Variants in APBB2 observed in about 807,000 individuals in gnomAD.
APBB2 encodes amyloid beta precursor protein binding family B member 2.
APBB2 carries 38 observed loss-of-function variants against 82.5 expected under a neutral mutation model. The ratio of observed to expected loss-of-function variants is 0.46; its 90% CI spans 0.36 to 0.60. APBB2 has a LOEUF of 0.60. Ranked by LOEUF, APBB2 falls within the 20% of genes least tolerant of loss-of-function variation. The pLI, the probability that APBB2 is intolerant of heterozygous loss-of-function variation, is 0.00. For synonymous variants in APBB2, 341 were observed against 368.2 expected (o/e 0.93, Z 0.85); for missense variants, 772 against 972.3 (o/e 0.79, Z 2.74).
At position 40,903,788 on chromosome 4, in the gene APBB2, G is replaced by T. The variant is rs144186864; in HGVS notation, c.1255-10377C>A. On this transcript the variant is annotated intron_variant, in intron 10 of 17. Coordinates refer to ENST00000508593, the MANE Select transcript of APBB2 (RefSeq NM_004307.2). Reference sequence around the variant, plus strand: ...TGTCTTGCTAGATCCTAGGAACATGGTGATCCCGGCTGCTGCCTATGCTGC... The same window carrying T: ...TGTCTTGCTAGATCCTAGGAACATGTTGATCCCGGCTGCTGCCTATGCTGC... 1.0e-3 allele frequency among the ~76,000 whole-genome samples: 153 copies of T among 152,276 alleles called. 1 individual carries two copies. In the East Asian group the frequency reaches 0.028, roughly 28 times the overall value.
Position 40,826,968 on chromosome 4 carries a change from A to G in APBB2, c.1732+164T>C, listed in dbSNP as rs2154299279. 1 of 621,888 alleles carries G rather than the reference A, an allele frequency of 1.6e-6. No individual in the cohort carries two copies. Among genetic ancestry groups the G allele is most frequent in the East Asian group, 2.8e-5 (1 of 35,948 alleles). The allele number at this position is 621,888 out of a possible 1,614,324, so 38.5% of individuals were successfully genotyped here. A position where few individuals can be genotyped will look rare whatever the true frequency, so the allele number is the denominator to read the frequency against. ...GCCTAACCCTAGTGATGCAAAATCAACTCTGTGCCTCTGTGAGACCCAGCG... is the reference window on the plus strand; with the variant it reads ...GCCTAACCCTAGTGATGCAAAATCAGCTCTGTGCCTCTGTGAGACCCAGCG... On this transcript the variant is annotated intron_variant, in intron 14 of 17. Coordinates refer to ENST00000508593, the MANE Select transcript of APBB2 (RefSeq NM_004307.2). The surrounding 1 kb of genome is among the most constrained non-coding windows in gnomAD (Gnocchi z 4.5).
chr4:41,033,898 C>T (rs1031441190), intron 4 of APBB2, among the ~76,000 whole-genome samples: 1 of 152,162 alleles, frequency 6.6e-6, no homozygotes, highest in Non-Finnish European at 1.5e-5. Context: ...AAATCACTAG[C>T]TTCACTCAAA....
chr4:41,145,338 A>G (rs1760424675), intron 1 of APBB2, among the ~76,000 whole-genome samples: 1 of 152,140 alleles, frequency 6.6e-6, no homozygotes, highest in African/African-American at 2.4e-5. Flanking sequence ...CCTCAGCCAC[A>G]CAGCCAGCAA....
chr4:40,963,667 G>A (rs559376649), intron 6 of APBB2, among the ~76,000 whole-genome samples: 22 of 152,212 alleles, frequency 1.4e-4, no homozygotes, highest in Non-Finnish European at 2.8e-4. Context: ...ACATTCTTTG[G>A]AAGCAAATGA....
chr4:41,037,874 A>AGT (rs923780663), intron 4 of APBB2, among the ~76,000 whole-genome samples: 1 of 152,156 alleles, frequency 6.6e-6, no homozygotes, highest in African/African-American at 2.4e-5. Context: ...AAAATTAGCC[A>AGT]GTGTGCTGCA....
intron 12 of APBB2, among the ~76,000 whole-genome samples, chr4:40,886,000 A>AT (rs1770118960): frequency 6.6e-6 from 1 of 151,912 alleles, no homozygotes; most frequent in East Asian, 1.9e-4. Flanking sequence ...GAAACATCCC[A>AT]TTTACGGGGT....
intron 4 of APBB2, among the ~76,000 whole-genome samples, chr4:41,058,003 A>G (rs1283184844): frequency 1.3e-5 from 2 of 152,158 alleles, no homozygotes; most frequent in Non-Finnish European, 2.9e-5. Context: ...AATCCTCTTC[A>G]TGTGGAGTAT....
At position 40,810,423 on chromosome 4, in the gene APBB2, C is replaced by A. The variant is rs1224682256; in HGVS notation, c.*5669G>T. 1 of 151,408 alleles carries A rather than the reference C, an allele frequency of 6.6e-6. No individual in the cohort carries two copies. The highest frequency in any genetic ancestry group is 2.4e-5 in the African/African-American group (1 of 41,148). 9.4% of individuals were successfully genotyped at this position (151,408 alleles called of 1,614,324 possible). A position where few individuals can be genotyped will look rare whatever the true frequency, so the allele number is the denominator to read the frequency against. On this transcript the variant is annotated 3_prime_UTR_variant, in exon 18 of 18. Transcript: ENST00000508593. ...CAAAACCCCATCTCTACAAAAAATACAAAAATTAGCTGGGTGTGGTGGGAC... is the reference window on the plus strand; with the variant it reads ...CAAAACCCCATCTCTACAAAAAATAAAAAAATTAGCTGGGTGTGGTGGGAC...
rs971712165 is a variant in APBB2, at chr4:40,814,085, C to T, written c.*2007G>A. On this transcript the variant is annotated 3_prime_UTR_variant, in exon 18 of 18. Transcript: ENST00000508593. ...CAGGTAGAAAAGCCACCCACTCATT[C>T]CATCATGATCTCTGGTGGCTAAGTA... The T allele has an allele frequency of 2.6e-4, 39 of 152,190 alleles. No homozygotes were observed. Among genetic ancestry groups the T allele is most frequent in the Non-Finnish European group, 4.4e-5 (3 of 68,038 alleles). The allele number at this position is 152,190 out of a possible 1,614,324, so 9.4% of individuals were successfully genotyped here.
chr4:41,014,855 A>G lies in APBB2; in HGVS notation c.20-457T>C, dbSNP rs1381576418. Among the ~76,000 whole-genome samples, 3 of 152,196 alleles carry G rather than the reference A, an allele frequency of 2.0e-5. No homozygotes were observed. The East Asian group carries it at 5.8e-4, about 29-fold the overall frequency. The stretch of plus-strand genomic sequence containing the variant: ...GCTTTCTTAATTAACCTGAAAGGTC[A>G]TTGTTCAATGATGCTCCATACATCC... On this transcript the variant is annotated intron_variant, in intron 5 of 17. Coordinates refer to ENST00000508593, the MANE Select transcript of APBB2 (RefSeq NM_004307.2).
chr4:41,068,839 A>T (rs1732867423), intron 3 of APBB2, among the ~76,000 whole-genome samples: 1 of 122,350 alleles, frequency 8.2e-6, no homozygotes, highest in South Asian at 2.6e-4. Flanking sequence ...CTCTGTTGCC[A>T]GGCTGGAGTG....
chr4:41,150,786 G>C (rs1019125167), intron 1 of APBB2, among the ~76,000 whole-genome samples: 1 of 152,104 alleles, frequency 6.6e-6, no homozygotes, highest in East Asian at 1.9e-4. Flanking sequence ...TGTTGTCCAG[G>C]CTGGAGTGCA....
intron 1 of APBB2, among the ~76,000 whole-genome samples, chr4:41,179,930 G>A (rs1174645732): frequency 6.6e-6 from 1 of 152,224 alleles, no homozygotes; most frequent in Non-Finnish European, 1.5e-5. Context: ...CTCAGGGAAA[G>A]CAAACAAAAT....
chr4:41,138,783 T>A (rs2661663), intron 2 of APBB2, among the ~76,000 whole-genome samples: 151,794 of 152,300 alleles, frequency 1, 75,647 homozygotes, highest in Middle Eastern at 1. Flanking sequence ...AGATTGGACA[T>A]GAAATAAAAC....
At chr4:40,831,410 A>AAC (rs1314915837) in intron 12 of APBB2, among the ~76,000 whole-genome samples, 2 of 142,250 alleles carry the variant, frequency 1.4e-5, no homozygotes, top group African/African-American at 5.6e-5. Context: ...CTGAAAAAAA[A>AAC]CAAAAAAAAA....
intron 12 of APBB2, among the ~76,000 whole-genome samples, chr4:40,870,959 C>T (rs1462796975): frequency 6.6e-6 from 1 of 151,878 alleles, no homozygotes; most frequent in African/African-American, 2.4e-5. Context: ...CCTTGGCCTC[C>T]CAAAGTGCCG....
At chr4:40,912,927 C>G (rs1778928748) in intron 10 of APBB2, among the ~76,000 whole-genome samples, 1 of 152,180 alleles carries the variant, frequency 6.6e-6, no homozygotes, top group South Asian at 2.1e-4. Flanking sequence ...TTTAGTTTTC[C>G]CCTGCAGGAG....
At chr4:40,913,655 C>T (rs557398323) in intron 10 of APBB2, among the ~76,000 whole-genome samples, 1 of 152,280 alleles carries the variant, frequency 6.6e-6, no homozygotes, top group South Asian at 2.1e-4. Flanking sequence ...GCACATGTTC[C>T]TAGCTGAGGT....
In APBB2 at chr4:40,824,111, C is replaced by G. The variant is rs1054587484; in HGVS notation, c.1817-352G>C. Among the ~76,000 whole-genome samples the G allele has an allele frequency of 3.9e-5, 6 of 152,206 alleles. 1 individual carries two copies. The South Asian group carries it at 1.2e-3, about 32-fold the overall frequency. ...AGGCTGCAGTGAGCTGAGATCGCAC[C>G]ACTGCACTCCAGCCTGGGCAAGTAT... On this transcript the variant is annotated intron_variant, in intron 15 of 17. Transcript: ENST00000508593.
Sources: allele counts gnomAD v4.1 joint callset (sites outside exome capture counted in the v4.1 genomes callset), GRCh38; gene constraint gnomAD v4.1.1; non-coding constraint Gnocchi (gnomAD v3.1); transcripts MANE v1.5; gene names NCBI Gene and HGNC (gene_info 2026-07-23, HGNC 2026-07-21).